CDH13: variants seen among roughly 807,000 people sequenced by gnomAD.
CDH13 encodes the protein cadherin-13.
CDH13 carries 24 observed loss-of-function variants against 63.8 expected under a neutral mutation model. That is an observed-to-expected ratio of 0.38 (90% CI 0.27 to 0.53). The LOEUF (loss-of-function observed/expected upper bound fraction) is 0.53, where lower values mean the gene tolerates loss of function less well. Among genes scored for constraint, CDH13 ranks in the 20% least tolerant of loss-of-function variants. The pLI is 0.85. For synonymous variants in CDH13, 503 were observed against 355.3 expected (o/e 1.42, Z -4.67); for missense variants, 1,049 against 903.1 (o/e 1.16, Z -2.07).
chr16:83,532,953 C>T (rs1489446190), intron 7 of CDH13, among the ~76,000 whole-genome samples: 3 of 152,226 alleles, frequency 2.0e-5, no homozygotes, highest in Admixed American at 1.3e-4. Context: ...CTTCAGCCAC[C>T]AGCTGTTTCT....
At chr16:83,217,856 A>C (rs1296262487) in intron 5 of CDH13, among the ~76,000 whole-genome samples, 1 of 152,194 alleles carries the variant, frequency 6.6e-6, no homozygotes, top group Non-Finnish European at 1.5e-5. Context: ...ACCTGATATA[A>C]TTAGCAAGAC....
intron 10 of CDH13, among the ~76,000 whole-genome samples, chr16:83,741,836 A>T (rs1347801659): frequency 5.9e-5 from 9 of 152,080 alleles, no homozygotes; most frequent in Admixed American, 5.9e-4. Context: ...GGGCCACAAC[A>T]TCAGATTGTT....
chr16:82,796,766 G>T (rs1422847103), intron 1 of CDH13, among the ~76,000 whole-genome samples: 1 of 152,222 alleles, frequency 6.6e-6, no homozygotes, highest in Non-Finnish European at 1.5e-5. Context: ...GAATTATAAG[G>T]AAGTTATGGG....
intron 2 of CDH13, among the ~76,000 whole-genome samples, chr16:82,959,140 C>G (rs180975117): frequency 6.6e-6 from 1 of 152,306 alleles, no homozygotes. Flanking sequence ...GGCACATACA[C>G]AACAAGTAAA....
intron 6 of CDH13, among the ~76,000 whole-genome samples, chr16:83,377,633 T>A (rs146028230): frequency 6.6e-6 from 1 of 152,178 alleles, no homozygotes; most frequent in Non-Finnish European, 1.5e-5. Flanking sequence ...AGTCATTGAA[T>A]TGAAAAGCAG....
At chr16:83,195,603 A>AC (rs369189131) in intron 4 of CDH13, among the ~76,000 whole-genome samples, 8 of 150,772 alleles carry the variant, frequency 5.3e-5, no homozygotes, top group African/African-American at 1.9e-4. Flanking sequence ...TAATGAGGAA[A>AC]CCCCCCGCCG....
In CDH13 at chr16:82,722,409, C is replaced by T. The variant is rs201698135; in HGVS notation, c.45+95272C>T. Among the ~76,000 whole-genome samples the T allele has an allele frequency of 5.9e-5, 9 of 152,224 alleles. No homozygotes were observed. In the East Asian group the frequency reaches 1.7e-3, roughly 30 times the overall value. ...CTGTAGCCTTATAATTTCACAACCC[C>T]AGCAGAGAGAGAGAGGGCTGCTATT... is the stretch of plus-strand genomic sequence containing the variant. On this transcript the variant is annotated intron_variant, in intron 1 of 13. Transcript: ENST00000567109.
intron 5 of CDH13, among the ~76,000 whole-genome samples, chr16:83,304,726 C>T (rs545719134): frequency 4.6e-5 from 7 of 152,246 alleles, no homozygotes; most frequent in African/African-American, 1.7e-4. Flanking sequence ...GCAAGGCATT[C>T]AGCAGGTGTC....
intron 7 of CDH13, among the ~76,000 whole-genome samples, chr16:83,585,729 C>A (rs1598331917): frequency 6.6e-6 from 1 of 151,644 alleles, no homozygotes; most frequent in East Asian, 1.9e-4. Flanking sequence ...GGAGTGGCAA[C>A]CTACCAAAAA....
At chr16:83,075,625 G>A (rs1359143162) in intron 3 of CDH13, among the ~76,000 whole-genome samples, 40 of 152,198 alleles carry the variant, frequency 2.6e-4, no homozygotes, top group Non-Finnish European at 5.9e-5. Flanking sequence ...TGAGGTGGAC[G>A]TTAGCACTGT....
At chr16:82,688,082 C>T (rs912907021) in intron 1 of CDH13, among the ~76,000 whole-genome samples, 1 of 152,134 alleles carries the variant, frequency 6.6e-6, no homozygotes, top group African/African-American at 2.4e-5. Context: ...TGTGATTTTA[C>T]CTTTTTGTGA....
intron 8 of CDH13, among the ~76,000 whole-genome samples, chr16:83,655,881 G>A (rs1912825268): frequency 6.6e-6 from 1 of 152,194 alleles, no homozygotes; most frequent in Non-Finnish European, 1.5e-5. Context: ...GAAAACAGAG[G>A]AGGAGTCAAA....
At chr16:82,834,294 C>T (rs567648528) in intron 1 of CDH13, among the ~76,000 whole-genome samples, 1 of 152,246 alleles carries the variant, frequency 6.6e-6, no homozygotes, top group African/African-American at 2.4e-5. Context: ...AATTCTTGGT[C>T]ATTTGTACTG....
At chr16:83,581,861 C>T (rs1380578585) in intron 7 of CDH13, among the ~76,000 whole-genome samples, 2 of 152,108 alleles carry the variant, frequency 1.3e-5, no homozygotes, top group African/African-American at 2.4e-5. Flanking sequence ...TGAGTCTCCA[C>T]CCTAGAACTT....
intron 10 of CDH13, among the ~76,000 whole-genome samples, chr16:83,718,419 G>T (rs1313659150): frequency 6.6e-6 from 1 of 152,224 alleles, no homozygotes; most frequent in Non-Finnish European, 1.5e-5. Context: ...ACTCAAGAAA[G>T]GTGAGTGTGA....
At chr16:82,767,807 C>G (rs888116826) in intron 1 of CDH13, among the ~76,000 whole-genome samples, 6 of 152,156 alleles carry the variant, frequency 3.9e-5, no homozygotes, top group African/African-American at 1.4e-4. Flanking sequence ...GTGATCAGCT[C>G]CTGGTCATAA....
intron 8 of CDH13, among the ~76,000 whole-genome samples, chr16:83,604,903 A>T (rs536881444): frequency 1.3e-5 from 2 of 152,336 alleles, no homozygotes; most frequent in South Asian, 4.1e-4. Flanking sequence ...TCAGTTGTGG[A>T]CTAAACACTG....
chr16:82,763,122 G>A (rs550841026), intron 1 of CDH13, among the ~76,000 whole-genome samples: 11 of 152,254 alleles, frequency 7.2e-5, no homozygotes, highest in African/African-American at 2.6e-4. Context: ...GTACCGCAGG[G>A]CCTTTGTATG....
intron 2 of CDH13, among the ~76,000 whole-genome samples, chr16:83,001,036 A>G (rs910602450): frequency 6.6e-6 from 1 of 152,214 alleles, no homozygotes; most frequent in African/African-American, 2.4e-5. Flanking sequence ...GTCTCCTGAA[A>G]AACACATAGA....
Sources: allele counts gnomAD v4.1 joint callset (sites outside exome capture counted in the v4.1 genomes callset), GRCh38; gene constraint gnomAD v4.1.1; transcripts MANE v1.5; gene names NCBI Gene and HGNC (gene_info 2026-07-23, HGNC 2026-07-21).